Variants in ADAMTSL1 observed in about 807,000 individuals in gnomAD.
The protein encoded by ADAMTSL1 is ADAMTS-like protein 1.
A neutral mutation model predicts 201.8 loss-of-function variants in ADAMTSL1; 126 were observed. That is an observed-to-expected ratio of 0.62 (90% CI 0.54 to 0.72). The LOEUF (loss-of-function observed/expected upper bound fraction) is 0.72, where lower values mean the gene tolerates loss of function less well. Among genes scored for constraint, ADAMTSL1 ranks in the 30% least tolerant of loss-of-function variants. ADAMTSL1 has a pLI of 0.00. For missense variants in ADAMTSL1, 2,679 were observed against 2,277.8 expected, an observed-to-expected ratio of 1.18 and a Z score of -3.59; for synonymous variants, 1,121 against 903.4, an observed-to-expected ratio of 1.24 and a Z score of -4.32.
At chr9:18,648,692 C>A (rs1448204651) in intron 7 of ADAMTSL1, among the ~76,000 whole-genome samples, 2 of 151,920 alleles carry the variant, frequency 1.3e-5, no homozygotes, top group Admixed American at 1.3e-4. Flanking sequence ...AAATTCTTTT[C>A]TTTAAGAATG....
chr9:17,998,057 A>T (rs370576081), intron 1 of ADAMTSL1, among the ~76,000 whole-genome samples: 1 of 152,094 alleles, frequency 6.6e-6, no homozygotes, highest in Non-Finnish European at 1.5e-5. Context: ...AATATTCTCC[A>T]TTAATAAAAA....
At chr9:18,826,230 C>T (rs1824547616) in intron 21 of ADAMTSL1, 54 bp from the exon 22 acceptor site, 5 of 1,552,800 alleles carry the variant, frequency 3.2e-6, no homozygotes, top group Non-Finnish European at 4.4e-6. Flanking sequence ...CTGGGCTCAC[C>T]TGAATGTGTT....
At chr9:18,257,552 G>A (rs1831735545) in intron 2 of ADAMTSL1, among the ~76,000 whole-genome samples, 1 of 152,144 alleles carries the variant, frequency 6.6e-6, no homozygotes, top group African/African-American at 2.4e-5. Flanking sequence ...ATGATATGGA[G>A]ATATTGGAAT....
chr9:18,432,303 A>G (rs910580540), intron 2 of ADAMTSL1, among the ~76,000 whole-genome samples: 2 of 152,236 alleles, frequency 1.3e-5, no homozygotes, highest in African/African-American at 4.8e-5. Context: ...GACCTACTAG[A>G]GAGCCCAGCA....
chr9:18,017,228 T>C (rs1820295672), intron 1 of ADAMTSL1, among the ~76,000 whole-genome samples: 1 of 152,044 alleles, frequency 6.6e-6, no homozygotes, highest in African/African-American at 2.4e-5. Context: ...CCCTATAAAA[T>C]ACAAGGTGGT....
intron 1 of ADAMTSL1, among the ~76,000 whole-genome samples, chr9:18,113,111 G>A (rs918088786): frequency 6.6e-6 from 1 of 152,140 alleles, no homozygotes; most frequent in Non-Finnish European, 1.5e-5. Context: ...CGAATACGGG[G>A]TACTCAGGGA....
At chr9:18,379,895 G>A (rs944734883) in intron 2 of ADAMTSL1, among the ~76,000 whole-genome samples, 1 of 152,060 alleles carries the variant, frequency 6.6e-6, no homozygotes, top group South Asian at 2.1e-4. Flanking sequence ...CTCCCATCGG[G>A]GATTAAAGGC....
At position 18,607,116 on chromosome 9, in the gene ADAMTSL1, A is replaced by G. The variant is rs147234022; in HGVS notation, c.475-15127A>G. The stretch of plus-strand genomic sequence containing the variant: ...TGAAATTGAGGTTGGAAATCATCTG[A>G]CAACTCAATGCCTAAATGTTGTGGG... On this transcript the variant is annotated intron_variant, in intron 4 of 28. Transcript: ENST00000380548. Among the ~76,000 whole-genome samples the G allele has an allele frequency of 6.1e-4, 93 of 152,310 alleles. No individual in the cohort carries two copies. The East Asian group carries it at 0.016, about 27-fold the overall frequency.
At chr9:18,282,552 G>T (rs945859447) in intron 2 of ADAMTSL1, among the ~76,000 whole-genome samples, 4 of 152,172 alleles carry the variant, frequency 2.6e-5, no homozygotes, top group Admixed American at 2.6e-4. Context: ...ATTCAGGCTT[G>T]CTTTATGGCT....
intron 2 of ADAMTSL1, among the ~76,000 whole-genome samples, chr9:18,213,970 C>T (rs1204670147): frequency 3.3e-5 from 5 of 152,162 alleles, no homozygotes; most frequent in Admixed American, 2.0e-4. Context: ...CTCCTGACCT[C>T]AGGCAATCTA....
At chr9:18,891,574 T>C (rs2131557285) in intron 25 of ADAMTSL1, among the ~76,000 whole-genome samples, 1 of 152,352 alleles carries the variant, frequency 6.6e-6, no homozygotes, top group South Asian at 2.1e-4. Context: ...ACAGTCTCAC[T>C]TTTGGAACCT....
intron 26 of ADAMTSL1, among the ~76,000 whole-genome samples, chr9:18,899,600 C>G (rs961443637): frequency 2.0e-5 from 3 of 152,044 alleles, no homozygotes; most frequent in African/African-American, 7.2e-5. Context: ...ACATATAGAC[C>G]AATGAAACCG....
chr9:18,638,860 G>C (rs898472904), intron 6 of ADAMTSL1, among the ~76,000 whole-genome samples: 2 of 152,100 alleles, frequency 1.3e-5, no homozygotes, highest in African/African-American at 4.8e-5. Flanking sequence ...CCTGGATCTT[G>C]TAGAGCAAAA....
chr9:18,282,853 C>A (rs1832844743), intron 2 of ADAMTSL1, among the ~76,000 whole-genome samples: 1 of 152,306 alleles, frequency 6.6e-6, no homozygotes, highest in South Asian at 2.1e-4. Flanking sequence ...GCCAAGATTG[C>A]ACCATTGCAC....
chr9:18,506,192 G>A (rs10511659), intron 2 of ADAMTSL1, among the ~76,000 whole-genome samples: 18,236 of 152,214 alleles, frequency 0.12, 1,512 homozygotes, highest in Non-Finnish European at 0.18. Context: ...ACCTTGAGCT[G>A]ATAAGAAAGA....
chr9:18,344,463 AT>A (rs935144855), intron 2 of ADAMTSL1, among the ~76,000 whole-genome samples: 1 of 152,162 alleles, frequency 6.6e-6, no homozygotes, highest in Non-Finnish European at 1.5e-5. Context: ...GGCCTTAATT[AT>A]TTTTAATGAC....
chr9:18,614,118 AG>A (rs1392814516), intron 4 of ADAMTSL1, among the ~76,000 whole-genome samples: 2 of 152,206 alleles, frequency 1.3e-5, no homozygotes, highest in Non-Finnish European at 2.9e-5. Context: ...ACTGAGCCAG[AG>A]GAAGTGAGGT....
chr9:18,141,679 C>A (rs890566326), intron 1 of ADAMTSL1, among the ~76,000 whole-genome samples: 1 of 152,152 alleles, frequency 6.6e-6, no homozygotes, highest in Admixed American at 6.5e-5. Context: ...AGAAGTACTT[C>A]TTGACCATTC....
chr9:18,765,903 C>G (rs1031613617), intron 16 of ADAMTSL1, among the ~76,000 whole-genome samples: 2 of 152,160 alleles, frequency 1.3e-5, no homozygotes, highest in African/African-American at 4.8e-5. Context: ...GGGATGGCCT[C>G]TCCACACAGC....
Sources: allele counts gnomAD v4.1 joint callset (sites outside exome capture counted in the v4.1 genomes callset), GRCh38; gene constraint gnomAD v4.1.1; transcripts MANE v1.5; gene names NCBI Gene and HGNC (gene_info 2026-07-23, HGNC 2026-07-21).